The following MMP26 variants were observed in gnomAD, a reference collection of about 807,000 sequenced individuals.
MMP26 encodes matrix metallopeptidase 26, also known as matrix metalloproteinase-26.
MMP26 carries 33 observed loss-of-function variants against 31.0 expected under a neutral mutation model. That is an observed-to-expected ratio of 1.06 (90% CI 0.81 to 1.42). The LOEUF is 1.42. Ranked by LOEUF, MMP26 falls within the 40% of genes most tolerant of loss-of-function variation. MMP26 has a pLI of 0.00. For synonymous variants in MMP26, 122 were observed against 114.9 expected, an observed-to-expected ratio of 1.06 and a Z score of -0.40; for missense variants, 347 against 316.1, an observed-to-expected ratio of 1.10 and a Z score of -0.74.
chr11:4,987,618 C>T (rs1846924779), intron 2 of MMP26, among the ~76,000 whole-genome samples: 1 of 152,080 alleles, frequency 6.6e-6, no homozygotes, highest in Non-Finnish European at 1.5e-5. Flanking sequence ...CGGGGTTTCA[C>T]CGTGTTAGCC....
chr11:4,798,116 T>C lies in MMP26; in HGVS notation c.-145+30775T>C, dbSNP rs559126123. ...CCAAAACTAGAGAATTTCAAATCTC[T>C]TTTACGACGGCCCATACTTAAGATA... On this transcript the variant is annotated intron_variant, in intron 2 of 7. Coordinates refer to ENST00000380390, the MANE Select transcript of MMP26 (RefSeq NM_021801.5). 6.6e-5 allele frequency among the ~76,000 whole-genome samples: 10 copies of C among 152,352 alleles called. No individual in the cohort carries two copies. In the South Asian group the frequency reaches 2.1e-3, roughly 32 times the overall value.
chr11:4,839,150 A>G (rs1357840115), intron 2 of MMP26, among the ~76,000 whole-genome samples: 2 of 152,184 alleles, frequency 1.3e-5, no homozygotes, highest in Non-Finnish European at 2.9e-5. Context: ...TAAAACAGCC[A>G]TAATCAGAGG....
intron 2 of MMP26, among the ~76,000 whole-genome samples, chr11:4,817,651 AAAT>A (rs1400992139): frequency 2.0e-5 from 3 of 152,238 alleles, no homozygotes; most frequent in Admixed American, 6.5e-5. Flanking sequence ...AAAATGGAAA[AAAT>A]AACATTTATA....
At chr11:4,874,997 GA>G (rs1333333452) in intron 2 of MMP26, among the ~76,000 whole-genome samples, 4 of 151,962 alleles carry the variant, frequency 2.6e-5, no homozygotes, top group East Asian at 1.9e-4. Context: ...GGAGAAACAG[GA>G]AAAAAAGTCA....
chr11:4,780,634 T>C (rs11033847), intron 2 of MMP26, among the ~76,000 whole-genome samples: 14,492 of 152,200 alleles, frequency 0.095, 740 homozygotes, highest in Middle Eastern at 0.14. Flanking sequence ...ATGAAAGATG[T>C]CACTTTGGAA....
rs1287303293 is a variant in MMP26 at position 4,953,166 on chromosome 11, T to G, written c.-144-34902T>G. On this transcript the variant is annotated intron_variant, in intron 2 of 7. Transcript: ENST00000380390. ...TTTTAAAAATCTTTAGCATCAATGA[T>G]ACGCCTGTATTTGAAATAGACAATT... 1.6e-5 allele frequency among the ~76,000 whole-genome samples: 2 copies of G among 125,686 alleles called. 1 individual carries two copies. Among genetic ancestry groups the G allele is most frequent in the African/African-American group, 5.4e-5 (2 of 36,958 alleles). The allele number at this position is 125,686 out of a possible 152,430, so 82.5% of individuals were successfully genotyped here.
intron 2 of MMP26, among the ~76,000 whole-genome samples, chr11:4,886,009 G>A (rs893864969): frequency 6.6e-6 from 1 of 152,000 alleles, no homozygotes; most frequent in Non-Finnish European, 1.5e-5. Flanking sequence ...CCAACACAGG[G>A]TTTAGCAAAC....
At chr11:4,961,379 G>A (rs965853531) in intron 2 of MMP26, among the ~76,000 whole-genome samples, 1 of 152,150 alleles carries the variant, frequency 6.6e-6, no homozygotes, top group African/African-American at 2.4e-5. Flanking sequence ...GCAACATTGA[G>A]GGTAGATATT....
At chr11:4,714,918 TCTCA>T (rs1465335153) in intron 1 of MMP26, among the ~76,000 whole-genome samples, 1 of 130,274 alleles carries the variant, frequency 7.7e-6, no homozygotes, top group Non-Finnish European at 1.6e-5. Flanking sequence ...TCTCTCTCTC[TCTCA>T]CACACACACA....
At chr11:4,836,473 A>C (rs1849720458) in intron 2 of MMP26, among the ~76,000 whole-genome samples, 1 of 150,754 alleles carries the variant, frequency 6.6e-6, no homozygotes, top group Non-Finnish European at 1.5e-5. Context: ...TATGCATAGT[A>C]TTTTATTTCA....
At chr11:4,758,666 T>C (rs1274659751) in intron 1 of MMP26, among the ~76,000 whole-genome samples, 2 of 152,060 alleles carry the variant, frequency 1.3e-5, no homozygotes, top group Non-Finnish European at 1.5e-5. Context: ...GAGGTAAACA[T>C]TGATGTATTT....
intron 1 of MMP26, among the ~76,000 whole-genome samples, chr11:4,764,143 C>A (rs1238303788): frequency 1.3e-5 from 2 of 152,072 alleles, no homozygotes; most frequent in Non-Finnish European, 2.9e-5. Context: ...TTTGTTTACT[C>A]CATAATTTTA....
At chr11:4,969,232 C>A (rs1316713926) in intron 2 of MMP26, among the ~76,000 whole-genome samples, 3 of 151,866 alleles carry the variant, frequency 2.0e-5, no homozygotes. Flanking sequence ...TTCAATGTGA[C>A]AAAAACGTTT....
chr11:4,794,118 C>T (rs10768242), intron 2 of MMP26: 42,602 of 151,980 alleles, frequency 0.28, 7,471 homozygotes, highest in African/African-American at 0.49. Flanking sequence ...ACCACAGGTA[C>T]GGACTATATA....
intron 2 of MMP26, among the ~76,000 whole-genome samples, chr11:4,961,997 T>C (rs1846527662): frequency 6.6e-6 from 1 of 152,184 alleles, no homozygotes; most frequent in South Asian, 2.1e-4. Flanking sequence ...CAACCCCTGT[T>C]TTTTTCTGCT....
intron 2 of MMP26, among the ~76,000 whole-genome samples, chr11:4,827,064 AT>A (rs112962828): frequency 0.077 from 11,657 of 152,178 alleles, 737 homozygotes; most frequent in African/African-American, 0.18. Context: ...CAAGAGGTAC[AT>A]GGCACGCGCC....
At chr11:4,723,367 CG>C in intron 1 of MMP26, 5 of 954,816 alleles carry the variant, frequency 5.2e-6, no homozygotes, top group Non-Finnish European at 8.5e-6. Flanking sequence ...CGCCCGGCTG[CG>C]GTTGGAGATC....
intron 2 of MMP26, among the ~76,000 whole-genome samples, chr11:4,910,335 C>T (rs1020216889): frequency 7.2e-5 from 11 of 152,018 alleles, no homozygotes; most frequent in Non-Finnish European, 1.5e-4. Flanking sequence ...CTGGGTTCCC[C>T]TGGATAATCT....
intron 2 of MMP26, chr11:4,914,572 T>A: frequency 1.6e-6 from 1 of 606,148 alleles, no homozygotes; most frequent in South Asian, 2.3e-5. Flanking sequence ...CACAACAGAG[T>A]GAGGGTTCTG....
Sources: allele counts gnomAD v4.1 joint callset (sites outside exome capture counted in the v4.1 genomes callset), GRCh38; gene constraint gnomAD v4.1.1; transcripts MANE v1.5; gene names NCBI Gene and HGNC (gene_info 2026-07-23, HGNC 2026-07-21).